Variants in PMS1 observed in about 807,000 individuals in gnomAD.
PMS1 encodes the protein PMS1 protein homolog 1.
PMS1 carries 79 observed loss-of-function variants against 93.1 expected under a neutral mutation model. That is an observed-to-expected ratio of 0.85 (90% CI 0.71 to 1.02). PMS1 has a LOEUF of 1.02. Ranked by LOEUF, PMS1 falls within the 50% of genes least tolerant of loss-of-function variation. The pLI is 0.00. For synonymous variants in PMS1, 335 were observed against 363.4 expected (o/e 0.92, Z 0.89); for missense variants, 1,064 against 1,085.3 (o/e 0.98, Z 0.28).
chr2:189,875,465 A>G (rs528929397), intron 12 of PMS1, among the ~76,000 whole-genome samples: 12 of 152,218 alleles, frequency 7.9e-5, no homozygotes, highest in African/African-American at 2.6e-4. Flanking sequence ...ACATCCATGT[A>G]TAAGTGGACC....
chr2:189,870,664 A>C (rs1390497853), intron 11 of PMS1, among the ~76,000 whole-genome samples: 1 of 152,240 alleles, frequency 6.6e-6, no homozygotes, highest in African/African-American at 2.4e-5. Flanking sequence ...GGGCAAATGT[A>C]GTTAGTATTA....
intron 6 of PMS1, 127 bp from the exon 7 acceptor site, chr2:189,852,528 A>T: frequency 1.3e-6 from 1 of 776,548 alleles, no homozygotes; most frequent in South Asian, 1.6e-5. Context: ...ATCAGGAAGT[A>T]TATGGCTTTT....
chr2:189,791,717 C>T (rs1037703826), intron 1 of PMS1, 73 bp from the exon 2 acceptor site: 8 of 1,017,706 alleles, frequency 7.9e-6, no homozygotes, highest in Non-Finnish European at 1.2e-5. Context: ...TTTCATCTGT[C>T]ATTATTATTG....
At chr2:189,836,053 A>G (rs1293161451) in intron 5 of PMS1, among the ~76,000 whole-genome samples, 1 of 151,948 alleles carries the variant, frequency 6.6e-6, no homozygotes, top group Non-Finnish European at 1.5e-5. Context: ...CTCTTTATTT[A>G]GAAGGAGTTG....
Position 189,861,334 on chromosome 2 carries a change from A to G in PMS1, c.1857-2409A>G, listed in dbSNP as rs575543450. On this transcript the variant is annotated intron_variant, in intron 9 of 12. Coordinates refer to ENST00000441310, the MANE Select transcript of PMS1 (RefSeq NM_000534.5). ...TTGGTGTCACTTTCCTTAATTGTGC[A>G]CATATACTGGCAACTAATTCTCATC... is the stretch of plus-strand genomic sequence containing the variant. Among the ~76,000 whole-genome samples the G allele has an allele frequency of 2.6e-5, 4 of 151,838 alleles. No individual in the cohort carries two copies. The South Asian group carries it at 8.3e-4, about 32-fold the overall frequency.
intron 2 of PMS1, among the ~76,000 whole-genome samples, chr2:189,792,487 C>T (rs150147826): frequency 6.3e-4 from 95 of 151,804 alleles, no homozygotes; most frequent in Middle Eastern, 3.4e-3. Flanking sequence ...ACCTAGTATG[C>T]ACTAGGAAGG....
chr2:189,799,703 G>C (rs2049705308), intron 3 of PMS1, among the ~76,000 whole-genome samples: 1 of 152,230 alleles, frequency 6.6e-6, no homozygotes, highest in Admixed American at 6.5e-5. Context: ...TCAGCCCCCA[G>C]CTGCCAAGAG....
rs573695720 is a variant in PMS1 at position 189,845,553 on chromosome 2, C to A, written c.699+1473C>A. 4.6e-5 allele frequency among the ~76,000 whole-genome samples: 7 copies of A among 152,056 alleles called. No homozygotes were observed. The South Asian group carries it at 1.5e-3, about 32-fold the overall frequency. On this transcript the variant is annotated intron_variant, in intron 6 of 12. Coordinates refer to ENST00000441310, the MANE Select transcript of PMS1 (RefSeq NM_000534.5). ...AGTCATCCTAACTGTAGTTGGTAAT[C>A]CAGTTCATTACGTCTTTTTGAAGTC... is the stretch of plus-strand genomic sequence containing the variant.
intron 4 of PMS1, chr2:189,806,386 G>GTTTTT (rs1302828973): frequency 3.2e-6 from 1 of 313,306 alleles, no homozygotes; most frequent in Non-Finnish European, 6.2e-6. Flanking sequence ...GATATCTTAT[G>GTTTTT]TTTTTTATTT....
In PMS1 at chr2:189,852,844, T is replaced by C. The variant is rs1401915486; in HGVS notation, c.822+67T>C. The C allele has an allele frequency of 1.6e-5, 16 of 983,138 alleles. No individual in the cohort carries two copies. The East Asian group carries it at 3.6e-4, about 22-fold the overall frequency. 60.9% of individuals were successfully genotyped at this position (983,138 alleles called of 1,614,324 possible). ...TTGTCACATTGTAACAAGGACTGCT[T>C]CCAAGAATTTGCTCTAAAATAAAAA... On this transcript the variant is annotated intron_variant, in intron 7 of 12. Transcript: ENST00000441310.
chr2:189,810,825 G>A (rs562765141), intron 4 of PMS1, among the ~76,000 whole-genome samples: 30 of 152,136 alleles, frequency 2.0e-4, no homozygotes, highest in African/African-American at 6.7e-4. Context: ...CTTTCTCTGG[G>A]AGAAAATATT....
At chr2:189,842,100 C>T (rs1234212328) in intron 5 of PMS1, among the ~76,000 whole-genome samples, 2 of 151,646 alleles carry the variant, frequency 1.3e-5, no homozygotes, top group Non-Finnish European at 2.9e-5. Context: ...ATATCCTCCC[C>T]ATAGTCACTA....
intron 5 of PMS1, among the ~76,000 whole-genome samples, chr2:189,832,739 A>G (rs966226727): frequency 6.6e-6 from 1 of 152,150 alleles, no homozygotes; most frequent in African/African-American, 2.4e-5. Flanking sequence ...TTTAAACAGT[A>G]TTAAGAAGTA....
At chr2:189,787,623 A>C (rs2048481684) in intron 1 of PMS1, among the ~76,000 whole-genome samples, 1 of 148,630 alleles carries the variant, frequency 6.7e-6, no homozygotes, top group Admixed American at 6.7e-5. Flanking sequence ...TAGCTTTTTT[A>C]ATGTGAGTAC....
At chr2:189,860,578 T>A (rs1449045739) in intron 9 of PMS1, among the ~76,000 whole-genome samples, 1 of 152,066 alleles carries the variant, frequency 6.6e-6, no homozygotes, top group East Asian at 1.9e-4. Flanking sequence ...ATATTTTATT[T>A]CTAATTTAAG....
chr2:189,818,198 T>C lies in PMS1; in HGVS notation c.582+18T>C. 1 of 1,497,510 alleles carries C rather than the reference T, an allele frequency of 6.7e-7. No individual in the cohort carries two copies. The highest frequency in any genetic ancestry group is 9.3e-7 in the Non-Finnish European group (1 of 1,077,594). The allele number at this position is 1,497,510 out of a possible 1,614,324, so 92.8% of individuals were successfully genotyped here. A position where few individuals can be genotyped will look rare whatever the true frequency, so the allele number is the denominator to read the frequency against. On this transcript the variant is annotated intron_variant, in intron 5 of 12. Transcript: ENST00000441310. Reference sequence around the variant, plus strand: ...ATAACAAGGTAAACATTATTTTATCTTTATAAGTTTCTGGGTATATGATAT... The same window carrying C: ...ATAACAAGGTAAACATTATTTTATCCTTATAAGTTTCTGGGTATATGATAT...
chr2:189,844,238 C>T (rs2054053463), intron 6 of PMS1, among the ~76,000 whole-genome samples, 158 bp downstream of exon 6: 1 of 152,132 alleles, frequency 6.6e-6, no homozygotes, highest in African/African-American at 2.4e-5. Flanking sequence ...TTATGTTAAA[C>T]CTCTTTCCCC....
intron 9 of PMS1, among the ~76,000 whole-genome samples, chr2:189,862,603 A>T (rs2056134387): frequency 6.6e-6 from 1 of 152,188 alleles, no homozygotes; most frequent in Admixed American, 6.5e-5. Flanking sequence ...CTTCTTCTGA[A>T]AAGTGCTGAT....
chr2:189,818,261 G>A, intron 5 of PMS1, 81 bp downstream of exon 5: 1 of 915,102 alleles, frequency 1.1e-6, no homozygotes, highest in Non-Finnish European at 1.7e-6. Context: ...GTTAGATATG[G>A]GCTATGACTA....
Sources: allele counts gnomAD v4.1 joint callset (sites outside exome capture counted in the v4.1 genomes callset), GRCh38; gene constraint gnomAD v4.1.1; transcripts MANE v1.5; gene names NCBI Gene and HGNC (gene_info 2026-07-23, HGNC 2026-07-21).